DAGLB: variants seen among roughly 807,000 people sequenced by gnomAD.
DAGLB encodes diacylglycerol lipase beta.
A neutral mutation model predicts 72.1 loss-of-function variants in DAGLB; 66 were observed. The observed-to-expected ratio is 0.92, with a 90% CI of 0.75 to 1.12. The LOEUF (loss-of-function observed/expected upper bound fraction) is 1.12, where lower values mean the gene tolerates loss of function less well. Among genes scored for constraint, DAGLB ranks in the 50% most tolerant of loss-of-function variants. The pLI, the probability that DAGLB is intolerant of heterozygous loss-of-function variation, is 0.00. For synonymous variants in DAGLB, 414 were observed against 359.5 expected (o/e 1.15, Z -1.71); for missense variants, 1,065 against 884.9 (o/e 1.20, Z -2.58).
At chr7:6,424,292 C>A (rs1450584899) in intron 8 of DAGLB, among the ~76,000 whole-genome samples, 1 of 152,214 alleles carries the variant, frequency 6.6e-6, no homozygotes, top group African/African-American at 2.4e-5. Context: ...CTGACCTCAC[C>A]TGGAGAACGG....
intron 6 of DAGLB, among the ~76,000 whole-genome samples, chr7:6,427,675 T>C (rs567364812): frequency 1.3e-5 from 2 of 152,254 alleles, no homozygotes; most frequent in East Asian, 1.9e-4. Flanking sequence ...CCCAGGACTT[T>C]GGGAGACCGA....
At chr7:6,443,017 CAAAA>C (rs71008392) in intron 2 of DAGLB, among the ~76,000 whole-genome samples, 1 of 120,980 alleles carries the variant, frequency 8.3e-6, no homozygotes, top group Non-Finnish European at 1.7e-5. Flanking sequence ...TCTAAAAATA[CAAAA>C]AAAAAAAAAA....
intron 2 of DAGLB, among the ~76,000 whole-genome samples, chr7:6,439,720 G>C (rs1451398239): frequency 6.6e-6 from 1 of 152,146 alleles, no homozygotes; most frequent in Non-Finnish European, 1.5e-5. Flanking sequence ...CCCACAAGGT[G>C]CAACAGTGGG....
At chr7:6,424,081 C>T (rs1044538495) in intron 8 of DAGLB, among the ~76,000 whole-genome samples, 21 of 152,208 alleles carry the variant, frequency 1.4e-4, no homozygotes, top group African/African-American at 5.1e-4. Flanking sequence ...GCTGAGCACA[C>T]AGGCTCTGGA....
At chr7:6,410,099 C>T in intron 14 of DAGLB, 31 bp downstream of exon 14, 1 of 1,579,954 alleles carries the variant, frequency 6.3e-7, no homozygotes, top group Non-Finnish European at 8.6e-7. Flanking sequence ...CTGCTCCTGC[C>T]TGCCCACCAC....
rs749240372 is a variant in DAGLB, at chr7:6,430,656, C to G, written c.802-49G>C. 4.7e-6 allele frequency: 7 copies of G among 1,479,724 alleles called. No individual in the cohort carries two copies. In the South Asian group the frequency reaches 8.4e-5, roughly 18 times the overall value. The allele number at this position is 1,479,724 out of a possible 1,614,324, so 91.7% of individuals were successfully genotyped here. A position where few individuals can be genotyped will look rare whatever the true frequency, so the allele number is the denominator to read the frequency against. On this transcript the variant is annotated intron_variant, in intron 5 of 14. Coordinates refer to ENST00000297056, the MANE Select transcript of DAGLB (RefSeq NM_139179.4). ...CTGTTTATTAAGGGAACTCCTGACA[C>G]AGAGGATCAACACACTGAGACCTGA...
chr7:6,447,670 TGTCACC>T, intron 1 of DAGLB, 72 bp downstream of exon 1: 8 of 1,519,008 alleles, frequency 5.3e-6, no homozygotes, highest in Non-Finnish European at 7.1e-6. Context: ...AAGCCACTTC[TGTCACC>T]GTCTCAAGGG....
chr7:6,424,649 C>T (rs1784244381), intron 8 of DAGLB, 103 bp downstream of exon 8: 2 of 1,091,058 alleles, frequency 1.8e-6, no homozygotes, highest in Non-Finnish European at 2.8e-6. Context: ...ACCATTTTCC[C>T]CTGTGTCTCA....
At chr7:6,437,541 C>T (rs1341882679) in intron 2 of DAGLB, among the ~76,000 whole-genome samples, 1 of 152,302 alleles carries the variant, frequency 6.6e-6, no homozygotes, top group South Asian at 2.1e-4. Flanking sequence ...AAGTGATCCA[C>T]CCACCTCAGC....
At chr7:6,433,074 GAC>G in intron 4 of DAGLB, 115 bp from the exon 5 acceptor site, 1 of 1,430,216 alleles carries the variant, frequency 7.0e-7, no homozygotes, top group South Asian at 1.5e-5. Context: ...GACATTTCTA[GAC>G]ACAGAGGTAT....
rs553608692 is a variant in DAGLB at position 6,425,566 on chromosome 7, G to A, written c.1056+422C>T. Reference sequence around the variant, plus strand: ...ATTACAGGCGTGAGCCACTGTGCCCGGCCCACAGCTGGCTTTTGCAGCTTC... The same window carrying A: ...ATTACAGGCGTGAGCCACTGTGCCCAGCCCACAGCTGGCTTTTGCAGCTTC... On this transcript the variant is annotated intron_variant, in intron 7 of 14. Transcript: ENST00000297056. Among the ~76,000 whole-genome samples the A allele has an allele frequency of 5.9e-5, 9 of 152,108 alleles. No homozygotes were observed. The South Asian group carries it at 1.2e-3, about 21-fold the overall frequency.
At chr7:6,443,221 C>A (rs1359718661) in intron 2 of DAGLB, among the ~76,000 whole-genome samples, 32 of 52,016 alleles carry the variant, frequency 6.2e-4, no homozygotes, top group East Asian at 1.1e-3. Context: ...AAAAACAAAA[C>A]AAAACAAACA....
intron 6 of DAGLB, among the ~76,000 whole-genome samples, chr7:6,426,664 A>G (rs137937303): frequency 6.6e-6 from 1 of 152,228 alleles, no homozygotes; most frequent in East Asian, 1.9e-4. Flanking sequence ...ATATTCAAAA[A>G]ATTCATCAAC....
chr7:6,423,362 G>C (rs138982898), intron 8 of DAGLB, among the ~76,000 whole-genome samples: 79 of 152,286 alleles, frequency 5.2e-4, no homozygotes, highest in African/African-American at 1.9e-3. Flanking sequence ...AATGGAGAGA[G>C]GGCCACATAG....
chr7:6,410,423 C>A, intron 13 of DAGLB, 43 bp from the exon 14 acceptor site: 1 of 1,538,058 alleles, frequency 6.5e-7, no homozygotes, highest in South Asian at 1.2e-5. Flanking sequence ...CACTCACCCT[C>A]TGTCACCCGA....
intron 7 of DAGLB, among the ~76,000 whole-genome samples, chr7:6,425,143 A>G (rs1350137600): frequency 1.3e-5 from 2 of 152,230 alleles, no homozygotes; most frequent in African/African-American, 2.4e-5. Context: ...AAGCTCCTCA[A>G]GAGGTTCTAC....
chr7:6,430,079 C>G (rs1784431502), intron 6 of DAGLB, among the ~76,000 whole-genome samples: 1 of 150,968 alleles, frequency 6.6e-6, no homozygotes, highest in African/African-American at 2.4e-5. Flanking sequence ...GTGGCGGGCA[C>G]CTGTAATTCC....
chr7:6,413,458 G>A (rs1179397197), intron 11 of DAGLB, among the ~76,000 whole-genome samples: 2 of 152,138 alleles, frequency 1.3e-5, no homozygotes, highest in Middle Eastern at 3.4e-3. Flanking sequence ...GTAAAAGCCC[G>A]TCTCTACTAA....
rs769189989 is a variant in DAGLB at position 6,416,722 on chromosome 7, G to A, written c.1332C>T (p.Leu444=). ...CCAGCAGGGCGGCCGCCCCGCCCCCGAGGCTGTGGCCCACTATGACCAGCC... is the reference window on the plus strand; with the variant it reads ...CCAGCAGGGCGGCCGCCCCGCCCCCAAGGCTGTGGCCCACTATGACCAGCC... The part of the protein sequence containing the change: ...EYRLVIVGHS[L]GGGAAALLAT... The change falls in exon 11 of 15, where the codon CTC becomes CTT. Residue 444 remains leucine (L), a synonymous_variant. Coordinates refer to ENST00000297056, the MANE Select transcript of DAGLB (RefSeq NM_139179.4). 25 of 1,613,548 alleles carry A rather than the reference G, an allele frequency of 1.5e-5. No homozygotes were observed. In the African/African-American group the frequency reaches 1.6e-4, roughly 10 times the overall value.
Sources: allele counts gnomAD v4.1 joint callset (sites outside exome capture counted in the v4.1 genomes callset), GRCh38; gene constraint gnomAD v4.1.1; transcripts MANE v1.5; gene names NCBI Gene and HGNC (gene_info 2026-07-23, HGNC 2026-07-21).